Variants in PRKD1 observed in about 807,000 individuals in gnomAD.
The protein encoded by PRKD1 is serine/threonine-protein kinase D1.
Under a neutral mutation model 95.9 loss-of-function variants are expected in PRKD1, and 63 were observed. That is an observed-to-expected ratio of 0.66 (90% CI 0.54 to 0.81). PRKD1 has a LOEUF of 0.81. PRKD1 is among the 30% of genes least tolerant of loss of function. PRKD1 has a pLI of 0.00. For synonymous variants in PRKD1, 425 were observed against 423.1 expected (o/e 1.00, Z -0.05); for missense variants, 1,048 against 1,165.3 (o/e 0.90, Z 1.47).
intron 1 of PRKD1, among the ~76,000 whole-genome samples, chr14:29,896,365 TACACACAC>T (rs71443337): frequency 6.8e-6 from 1 of 147,946 alleles, no homozygotes; most frequent in African/African-American, 2.6e-5. Flanking sequence ...CATGTGTGTG[TACACACAC>T]ACACACACAC....
chr14:29,919,383 A>G (rs1895003760), intron 1 of PRKD1, among the ~76,000 whole-genome samples: 1 of 152,244 alleles, frequency 6.6e-6, no homozygotes, highest in Non-Finnish European at 1.5e-5. Context: ...ATGATATTCC[A>G]TAACAGCCAT....
At chr14:29,723,668 T>TGA (rs1471558955) in intron 2 of PRKD1, among the ~76,000 whole-genome samples, 4 of 87,026 alleles carry the variant, frequency 4.6e-5, no homozygotes, top group South Asian at 1.5e-3. Context: ...TAATTGAGTG[T>TGA]GCGTGTGTGT....
intron 1 of PRKD1, among the ~76,000 whole-genome samples, chr14:29,888,515 A>G (rs758118569): frequency 2.2e-4 from 34 of 152,200 alleles, no homozygotes; most frequent in Non-Finnish European, 4.3e-4. Flanking sequence ...GTATTTTAAT[A>G]AAGAAATATG....
At chr14:29,920,089 AAAG>A (rs1475957939) in intron 1 of PRKD1, among the ~76,000 whole-genome samples, 44 of 148,718 alleles carry the variant, frequency 3.0e-4, no homozygotes, top group Non-Finnish European at 5.8e-4. Flanking sequence ...AGGAAGGAGA[AAAG>A]AAAAGAGAAA....
At chr14:29,908,264 A>G (rs1247164515) in intron 1 of PRKD1, among the ~76,000 whole-genome samples, 1 of 152,226 alleles carries the variant, frequency 6.6e-6, no homozygotes, top group Non-Finnish European at 1.5e-5. Context: ...ATTAACAGAT[A>G]ATATCAAAAT....
intron 13 of PRKD1, among the ~76,000 whole-genome samples, chr14:29,618,073 A>C (rs533030937): frequency 6.6e-6 from 1 of 152,198 alleles, no homozygotes; most frequent in East Asian, 1.9e-4. Context: ...TCTCCCAAAA[A>C]ACAAAAAAGC....
At chr14:29,920,040 G>GGAAGGAAGGAAGGAAGGAAGGAAA (rs1895040483) in intron 1 of PRKD1, among the ~76,000 whole-genome samples, 1 of 137,740 alleles carries the variant, frequency 7.3e-6, no homozygotes, top group Non-Finnish European at 1.5e-5. Context: ...AAGGAAGGAA[G>GGAAGGAAGGAAGGAAGGAAGGAAA]GAAGGAAGGA....
chr14:29,765,843 C>T (rs937712476), intron 1 of PRKD1, among the ~76,000 whole-genome samples: 8 of 151,976 alleles, frequency 5.3e-5, no homozygotes, highest in African/African-American at 1.9e-4. Context: ...TAGGTATGTA[C>T]ATATAGGTGG....
At chr14:29,592,229 T>C (rs1373257395) in intron 16 of PRKD1, among the ~76,000 whole-genome samples, 1 of 151,550 alleles carries the variant, frequency 6.6e-6, no homozygotes, top group Non-Finnish European at 1.5e-5. Context: ...AATGATGAAA[T>C]GAAATATGGT....
chr14:29,651,903 C>A (rs1257284886), intron 4 of PRKD1, among the ~76,000 whole-genome samples: 1 of 152,112 alleles, frequency 6.6e-6, no homozygotes, highest in African/African-American at 2.4e-5. Context: ...CACCACCATG[C>A]CCAGCTAATT....
rs1298764106 is a variant in PRKD1 at position 29,807,923 on chromosome 14, T to C, written c.265-82249A>G. On this transcript the variant is annotated intron_variant, in intron 1 of 17. Coordinates refer to ENST00000331968, the MANE Select transcript of PRKD1 (RefSeq NM_002742.3). ...TTCTAGTATAGACGGGATTTCACCA[T>C]GTTAACCAGGCTGGTCTCGAACTCC... 2.0e-5 allele frequency among the ~76,000 whole-genome samples: 3 copies of C among 152,056 alleles called. 1 individual carries two copies. The highest frequency in any genetic ancestry group is 4.1e-4 in the South Asian group (2 of 4,824).
At chr14:29,861,149 T>C (rs543967496) in intron 1 of PRKD1, among the ~76,000 whole-genome samples, 2 of 152,106 alleles carry the variant, frequency 1.3e-5, no homozygotes, top group Admixed American at 6.6e-5. Flanking sequence ...CAACAAACTA[T>C]GACTAGCACC....
chr14:29,645,591 C>A (rs1881073591), intron 4 of PRKD1, among the ~76,000 whole-genome samples: 1 of 152,122 alleles, frequency 6.6e-6, no homozygotes, highest in Non-Finnish European at 1.5e-5. Flanking sequence ...ATGGATCTAT[C>A]TAATTTAGCA....
rs1894115385 is a variant in PRKD1 at position 29,896,088 on chromosome 14, T to C, written c.264+31161A>G. Among the ~76,000 whole-genome samples the C allele has an allele frequency of 2.6e-5, 4 of 152,238 alleles. No individual in the cohort carries two copies. The South Asian group carries it at 8.3e-4, about 31-fold the overall frequency. On this transcript the variant is annotated intron_variant, in intron 1 of 17. Transcript: ENST00000331968. ...TCTACTTTACAATAGGAGCGCAATA[T>C]ATATTTGTAGAACAAATGAGTGAAT...
chr14:29,692,438 G>A (rs568921599), intron 2 of PRKD1, among the ~76,000 whole-genome samples: 1 of 152,158 alleles, frequency 6.6e-6, no homozygotes, highest in Admixed American at 6.5e-5. Context: ...TTAAGCACTG[G>A]GTTTTAATGA....
intron 1 of PRKD1, among the ~76,000 whole-genome samples, chr14:29,764,240 T>C (rs964079884): frequency 1.1e-4 from 16 of 151,820 alleles, no homozygotes; most frequent in Admixed American, 9.2e-4. Flanking sequence ...TTTTCAGTAA[T>C]GATGAACTAA....
At chr14:29,913,970 T>C (rs1430542514) in intron 1 of PRKD1, among the ~76,000 whole-genome samples, 1 of 152,226 alleles carries the variant, frequency 6.6e-6, no homozygotes, top group African/African-American at 2.4e-5. Context: ...AGTTGTCCAT[T>C]GTACTAAAGT....
chr14:29,804,060 G>A (rs1890136362), intron 1 of PRKD1, among the ~76,000 whole-genome samples: 1 of 152,002 alleles, frequency 6.6e-6, no homozygotes, highest in African/African-American at 2.4e-5. Flanking sequence ...TGGCCAACAT[G>A]GCAAAACCCC....
chr14:29,735,045 A>G (rs572458216), intron 1 of PRKD1, among the ~76,000 whole-genome samples: 1 of 152,340 alleles, frequency 6.6e-6, no homozygotes, highest in East Asian at 1.9e-4. Flanking sequence ...ACAGTATTTT[A>G]TAAATTTTGT....
Sources: allele counts gnomAD v4.1 joint callset (sites outside exome capture counted in the v4.1 genomes callset), GRCh38; gene constraint gnomAD v4.1.1; transcripts MANE v1.5; gene names NCBI Gene and HGNC (gene_info 2026-07-23, HGNC 2026-07-21).